The following SETD3 variants were observed in gnomAD, a reference collection of about 807,000 sequenced individuals.
SETD3 encodes the protein actin-histidine N-methyltransferase.
In SETD3, 19 loss-of-function variants were observed where a neutral mutation model predicts 63.0. The observed-to-expected ratio is 0.30, with a 90% CI of 0.21 to 0.44. The LOEUF is 0.44. SETD3 is among the 20% of genes least tolerant of loss of function. The pLI, the probability that SETD3 is intolerant of heterozygous loss-of-function variation, is 1.00. For missense variants in SETD3, 587 were observed against 728.5 expected (o/e 0.81, Z 2.24); for synonymous variants, 286 against 264.1 (o/e 1.08, Z -0.80).
At chr14:99,406,694 A>G (rs1453671120) in intron 8 of SETD3, 104 bp from the exon 9 acceptor site, 2 of 1,136,226 alleles carry the variant, frequency 1.8e-6, no homozygotes, top group African/African-American at 3.1e-5. Flanking sequence ...GGGGATCCCA[A>G]GGTACTCAAA....
chr14:99,454,119 T>C (rs1479616984), intron 6 of SETD3, among the ~76,000 whole-genome samples: 1 of 152,128 alleles, frequency 6.6e-6, no homozygotes, highest in Non-Finnish European at 1.5e-5. Flanking sequence ...GCAAACATTA[T>C]CATTTGCATG....
intron 8 of SETD3, chr14:99,409,954 C>T: frequency 2.5e-6 from 1 of 396,660 alleles, no homozygotes. Flanking sequence ...ACCCTGCGTT[C>T]ATGGATCTTC....
chr14:99,474,813 G>A (rs1299126465), intron 1 of SETD3, among the ~76,000 whole-genome samples: 1 of 152,056 alleles, frequency 6.6e-6, no homozygotes, highest in Non-Finnish European at 1.5e-5. Flanking sequence ...CTGGGCCACA[G>A]AGCAAGACTG....
upstream of SETD3, chr14:99,481,091 T>C (rs1319878751): frequency 4.4e-6 from 1 of 228,052 alleles, no homozygotes; most frequent in African/African-American, 2.3e-5. Context: ...ACTGGCTGCG[T>C]TCGCCCCCGC....
intron 1 of SETD3, among the ~76,000 whole-genome samples, chr14:99,474,816 C>G (rs987908655): frequency 2.0e-5 from 3 of 151,766 alleles, no homozygotes; most frequent in Non-Finnish European, 4.4e-5. Context: ...GGCCACAGAG[C>G]AAGACTGTGT....
At chr14:99,481,699 C>T (rs899974897), upstream of SETD3, 28 of 385,046 alleles carry the variant, frequency 7.3e-5, no homozygotes, top group Non-Finnish European at 1.2e-4. Flanking sequence ...GGCAGGGAGG[C>T]CGGACTCACC....
At chr14:99,412,027 A>C (rs149383163) in intron 8 of SETD3, 1 of 152,324 alleles carries the variant, frequency 6.6e-6, no homozygotes, top group East Asian at 1.9e-4. Flanking sequence ...CATTCACGGC[A>C]TTTCTTTATT....
At chr14:99,439,622 CAT>C (rs1182639809) in intron 6 of SETD3, among the ~76,000 whole-genome samples, 9 of 146,478 alleles carry the variant, frequency 6.1e-5, no homozygotes, top group South Asian at 4.2e-4. Context: ...AATATATAAA[CAT>C]ATTTATATTT....
chr14:99,413,285 C>T (rs922977094), intron 7 of SETD3: 12 of 497,940 alleles, frequency 2.4e-5, no homozygotes, highest in East Asian at 1.1e-4. Flanking sequence ...GCAGACTGTT[C>T]CCAAGAAGCA....
intron 6 of SETD3, among the ~76,000 whole-genome samples, chr14:99,447,989 AGAG>A (rs755789370): frequency 1.3e-5 from 2 of 152,156 alleles, no homozygotes; most frequent in African/African-American, 2.4e-5. Context: ...CCAGTGCGAG[AGAG>A]GAGATTTTAA....
At position 99,414,862 on chromosome 14, in the gene SETD3, C is replaced by T. The variant is rs114025109; in HGVS notation, c.676-928G>A. Among the ~76,000 whole-genome samples, 1,425 of 152,252 alleles carry T rather than the reference C, an allele frequency of 9.4e-3. 19 individuals carry two copies. Among genetic ancestry groups the T allele is most frequent in the African/African-American group, 0.032 (1,336 of 41,528 alleles). ...TGAAATCCTGCTGAAGCCGGGTCTC[C>T]GCACCACTTTTAATGCAGGAAGCTC... On this transcript the variant is annotated intron_variant, in intron 6 of 12. Transcript: ENST00000331768.
At chr14:99,481,387 C>T (rs1486209028), upstream of SETD3, 5 of 398,666 alleles carry the variant, frequency 1.3e-5, no homozygotes, top group Non-Finnish European at 8.8e-6. Context: ...TCTCAGGACG[C>T]AGCGTGATGA....
intron 6 of SETD3, among the ~76,000 whole-genome samples, chr14:99,420,566 C>G (rs1023043421): frequency 6.6e-6 from 1 of 152,100 alleles, no homozygotes; most frequent in East Asian, 1.9e-4. Flanking sequence ...CATGTGGGCA[C>G]CCCTGCCACA....
At chr14:99,449,440 C>G (rs1459447610) in intron 6 of SETD3, among the ~76,000 whole-genome samples, 1 of 152,172 alleles carries the variant, frequency 6.6e-6, no homozygotes, top group Non-Finnish European at 1.5e-5. Flanking sequence ...CTGAGAAGGA[C>G]ACACTTTACT....
chr14:99,400,351 C>T, intron 11 of SETD3, 92 bp from the exon 12 acceptor site: 1 of 1,366,180 alleles, frequency 7.3e-7, no homozygotes, highest in Non-Finnish European at 1.0e-6. Flanking sequence ...TTGTTTCCAA[C>T]AACGCCATTT....
At chr14:99,401,873 G>A (rs891323797) in intron 11 of SETD3, among the ~76,000 whole-genome samples, 5 of 152,220 alleles carry the variant, frequency 3.3e-5, no homozygotes, top group Non-Finnish European at 7.4e-5. Context: ...CTTTCTCTCC[G>A]CTACTTTTTA....
At chr14:99,446,118 G>A (rs796421012) in intron 6 of SETD3, among the ~76,000 whole-genome samples, 9 of 152,254 alleles carry the variant, frequency 5.9e-5, no homozygotes, top group African/African-American at 1.7e-4. Context: ...TGGCTCTGGC[G>A]AGCTTTCCTG....
chr14:99,468,157 A>T (rs796349887), intron 1 of SETD3, among the ~76,000 whole-genome samples: 15 of 36,192 alleles, frequency 4.1e-4, no homozygotes, highest in Non-Finnish European at 1.0e-3. Flanking sequence ...ATACAGATTT[A>T]AAAAAAAAAA....
chr14:99,457,645 T>G (rs1230073441), intron 6 of SETD3, among the ~76,000 whole-genome samples: 1 of 152,238 alleles, frequency 6.6e-6, no homozygotes, highest in Non-Finnish European at 1.5e-5. Flanking sequence ...GGAGCCACAC[T>G]GCCTCTCAGT....
Sources: gnomAD v4.1 joint callset for allele counts (sites outside exome capture counted in the v4.1 genomes callset) on GRCh38, gnomAD v4.1.1 for gene constraint, MANE v1.5 for transcripts, NCBI Gene and HGNC (gene_info 2026-07-23, HGNC 2026-07-21) for gene names.